The following HHIPL2 variants were observed in gnomAD, a reference collection of about 807,000 sequenced individuals.
HHIPL2 encodes HHIP-like protein 2.
In HHIPL2, 61 loss-of-function variants were observed where a neutral mutation model predicts 61.0. The ratio of observed to expected loss-of-function variants is 1.00; its 90% CI spans 0.81 to 1.24. The LOEUF (loss-of-function observed/expected upper bound fraction) is 1.24. Ranked by LOEUF, HHIPL2 falls within the 50% of genes most tolerant of loss-of-function variation. The pLI is 0.00. For synonymous variants in HHIPL2, 343 were observed against 357.4 expected (o/e 0.96, Z 0.45); for missense variants, 885 against 910.2 (o/e 0.97, Z 0.36).
intron 5 of HHIPL2, 129 bp from the exon 6 acceptor site, chr1:222,532,240 G>T (rs886762529): frequency 1.3e-6 from 1 of 744,140 alleles, no homozygotes. Context: ...TAACTAGCCT[G>T]CCTCCAAGCA....
chr1:222,534,817 G>A (rs1034426963), intron 5 of HHIPL2, among the ~76,000 whole-genome samples: 4 of 151,954 alleles, frequency 2.6e-5, no homozygotes, highest in African/African-American at 9.7e-5. Flanking sequence ...GATCATCAGC[G>A]AACTATGGAA....
In HHIPL2 at chr1:222,542,053, C is replaced by G; in HGVS notation, c.1077G>C (p.Gln359His). ...YMYIFTGDGG[Q>H]AGDPFGLFGN... ...CAAACAGGCCAAAGGGATCTCCAGC[C>G]TGTCCCCCGTCCCCAGTGAATATGT... The change falls in exon 3 of 9, where the codon CAG becomes CAC. Residue 359 changes from glutamine to histidine, a missense_variant. Gln to His is a conservative substitution (Grantham distance 24). Coordinates refer to ENST00000343410, the MANE Select transcript of HHIPL2 (RefSeq NM_024746.4). 1 of 1,614,042 alleles carries G rather than the reference C, an allele frequency of 6.2e-7. No individual in the cohort carries two copies. The highest frequency in any genetic ancestry group is 8.5e-7 in the Non-Finnish European group (1 of 1,180,004).
intron 5 of HHIPL2, 93 bp from the exon 6 acceptor site, chr1:222,532,204 G>A (rs17163175): frequency 0.41 from 475,188 of 1,172,582 alleles, 100,498 homozygotes; most frequent in East Asian, 0.69. Context: ...TGAGTACTAG[G>A]ACTGAGTCCC....
chr1:222,538,923 C>G, intron 4 of HHIPL2, 149 bp from the exon 5 acceptor site: 3 of 715,698 alleles, frequency 4.2e-6, no homozygotes, highest in Non-Finnish European at 6.8e-6. Context: ...GCAAGTGAAT[C>G]ATGTTTATTG....
Position 222,538,108 on chromosome 1 carries a change from G to A in HHIPL2, c.1577+540C>T, listed in dbSNP as rs551693663. Among the ~76,000 whole-genome samples the A allele has an allele frequency of 1.2e-4, 18 of 151,980 alleles. No individual in the cohort carries two copies. In the South Asian group the frequency reaches 3.7e-3, roughly 32 times the overall value. On this transcript the variant is annotated intron_variant, in intron 5 of 8. Coordinates refer to ENST00000343410, the MANE Select transcript of HHIPL2 (RefSeq NM_024746.4). Reference sequence around the variant, plus strand: ...AAATTAAAGAAGCCAAGCACAAAAAGAAGAGTACATATTATAATTATTCCA... The same window carrying A: ...AAATTAAAGAAGCCAAGCACAAAAAAAAGAGTACATATTATAATTATTCCA...
intron 3 of HHIPL2, among the ~76,000 whole-genome samples, chr1:222,541,599 A>G (rs34229050): frequency 0.33 from 50,255 of 151,966 alleles, 8,726 homozygotes; most frequent in East Asian, 0.51. Flanking sequence ...ACTTAGACCA[A>G]TGCCTGACAA....
intron 8 of HHIPL2, 84 bp downstream of exon 8, chr1:222,523,528 C>T: frequency 7.9e-7 from 1 of 1,272,140 alleles, no homozygotes; most frequent in East Asian, 2.3e-5. Context: ...AAGACTCCAC[C>T]ATGGGAATTA....
intron 5 of HHIPL2, among the ~76,000 whole-genome samples, chr1:222,534,064 T>C (rs1372514956): frequency 2.0e-5 from 3 of 152,218 alleles, no homozygotes; most frequent in Non-Finnish European, 4.4e-5. Flanking sequence ...AGGGTATAGG[T>C]AGAATTCAGT....
chr1:222,546,040 G>T (rs1295652898), intron 1 of HHIPL2, among the ~76,000 whole-genome samples: 4 of 14,734 alleles, frequency 2.7e-4, no homozygotes, highest in Non-Finnish European at 6.1e-4. Flanking sequence ...GTAAGACTCT[G>T]TCTCAAAAAA....
chr1:222,530,313 G>A (rs1006187663), intron 6 of HHIPL2, among the ~76,000 whole-genome samples: 9 of 152,158 alleles, frequency 5.9e-5, no homozygotes, highest in Non-Finnish European at 1.2e-4. Context: ...CCTGCCTCTG[G>A]GGTTCCAATC....
In HHIPL2 at chr1:222,526,982, C is replaced by A. The variant is rs771775860; in HGVS notation, c.1792G>T (p.Val598Phe). The A allele has an allele frequency of 1.2e-6, 2 of 1,613,158 alleles. No homozygotes were observed. Among genetic ancestry groups the A allele is most frequent in the African/African-American group, 1.3e-5 (1 of 74,904 alleles). ...ATCAAATCTCACCTTGAGGGGTCAA[C>A]AAACTTGTAAATAGATCCACGTGGT... is the stretch of plus-strand genomic sequence containing the variant. ...YAPRGSIYKF[V>F]DPSRRAPPGK... Residue 598 changes from valine (V) to phenylalanine (F), a missense_variant, in exon 7 of 9, where the codon GTT becomes TTT. Coordinates refer to ENST00000343410, the MANE Select transcript of HHIPL2 (RefSeq NM_024746.4).
At position 222,542,034 on chromosome 1, in the gene HHIPL2, G is replaced by C; in HGVS notation, c.1096C>G (p.Leu366Val). 1.2e-6 allele frequency: 2 copies of C among 1,613,756 alleles called. No homozygotes were observed. The highest frequency in any genetic ancestry group is 1.7e-6 in the Non-Finnish European group (2 of 1,179,916). The change falls in exon 3 of 9, where the codon CTG becomes GTG. Residue 366 changes from leucine (L) to valine (V), a missense_variant. Coordinates refer to ENST00000343410, the MANE Select transcript of HHIPL2 (RefSeq NM_024746.4). ...DGGQAGDPFG[L>V]FGNAQNKSSL... ...TACTTGTTCTGAGCATTTCCAAACA[G>C]GCCAAAGGGATCTCCAGCCTGTCCC...
At chr1:222,533,364 CAAAA>C (rs11432197) in intron 5 of HHIPL2, among the ~76,000 whole-genome samples, 1 of 127,904 alleles carries the variant, frequency 7.8e-6, no homozygotes. Flanking sequence ...GACTCTGTCT[CAAAA>C]AAAAAAAAGA....
rs1427788705 is a variant in HHIPL2 at position 222,540,116 on chromosome 1, G to A, written c.1344C>T (p.Asn448=). ...GRIFCGDVGQ[N]RFEEVDLILK... ...AAATGAGGTCAACCTCTTCAAACCT[G>A]TTCTGGCCCACGTCCCCACAGAATA... The change falls in exon 4 of 9, where the codon AAC becomes AAT. Residue 448 remains asparagine (N), a synonymous_variant. Transcript: ENST00000343410. 1 of 1,614,250 alleles carries A rather than the reference G, an allele frequency of 6.2e-7. No homozygotes were observed. The highest frequency in any genetic ancestry group is 8.5e-7 in the Non-Finnish European group (1 of 1,180,040).
rs774603791 is a variant in HHIPL2 at position 222,522,885 on chromosome 1, T to C, written c.1891A>G (p.Thr631Ala). The change falls in exon 9 of 9, where the codon ACA becomes GCA. Residue 631 changes from threonine to alanine, a missense_variant and splice_region_variant. Physicochemically the swap from Thr to Ala is moderately conservative, Grantham distance 58 (BLOSUM62 0). Coordinates refer to ENST00000343410, the MANE Select transcript of HHIPL2 (RefSeq NM_024746.4). ...TGTTCCTTTAGCAAGTCCAAGACTGTCTCTGAGAAATCAGTATTTATTTAG... is the reference window on the plus strand; with the variant it reads ...TGTTCCTTTAGCAAGTCCAAGACTGCCTCTGAGAAATCAGTATTTATTTAG... ...KRIPFRPLAK[T>A]VLDLLKEQSE... 3 of 1,611,198 alleles carry C rather than the reference T, an allele frequency of 1.9e-6. No individual in the cohort carries two copies. Among genetic ancestry groups the C allele is most frequent in the African/African-American group, 2.7e-5 (2 of 74,654 alleles).
At position 222,543,857 on chromosome 1, in the gene HHIPL2, G is replaced by A. The variant is rs375872765; in HGVS notation, c.654C>T (p.Asn218=). The change falls in exon 2 of 9, where the codon AAC becomes AAT. Residue 218 remains asparagine (N), a synonymous_variant. Coordinates refer to ENST00000343410, the MANE Select transcript of HHIPL2 (RefSeq NM_024746.4). The part of the protein sequence containing the change: ...CLSEVANGLR[N]PVSMVHAGDG... ...CCCCAGCATGGACCATGGAGACGGG[G>A]TTCCTCAGCCCGTTGGCCACCTCGC... The A allele has an allele frequency of 6.2e-7, 1 of 1,614,058 alleles. No individual in the cohort carries two copies. The highest frequency in any genetic ancestry group is 8.5e-7 in the Non-Finnish European group (1 of 1,180,034).
At chr1:222,525,621 G>C (rs1197062612) in intron 7 of HHIPL2, among the ~76,000 whole-genome samples, 1 of 152,128 alleles carries the variant, frequency 6.6e-6, no homozygotes, top group East Asian at 1.9e-4. Flanking sequence ...TAAGCCTCAG[G>C]GGAAAATTTT....
chr1:222,542,334 T>C (rs1273396762), intron 2 of HHIPL2, among the ~76,000 whole-genome samples, 179 bp from the exon 3 acceptor site: 1 of 151,864 alleles, frequency 6.6e-6, no homozygotes, highest in Non-Finnish European at 1.5e-5. Flanking sequence ...ATGCCCCTTG[T>C]TTCCTGGTAT....
intron 2 of HHIPL2, among the ~76,000 whole-genome samples, chr1:222,542,425 G>T: frequency 6.6e-6 from 1 of 150,870 alleles, no homozygotes; most frequent in Non-Finnish European, 1.5e-5. Flanking sequence ...GTGCTGTGGT[G>T]CAATCTCACC....
Sources: allele counts gnomAD v4.1 joint callset (sites outside exome capture counted in the v4.1 genomes callset), GRCh38; gene constraint gnomAD v4.1.1; transcripts MANE v1.5; gene names NCBI Gene and HGNC (gene_info 2026-07-23, HGNC 2026-07-21).